The following GPC5 variants were observed in gnomAD, a reference collection of about 807,000 sequenced individuals.
GPC5 encodes the protein glypican-5.
A neutral mutation model predicts 53.9 loss-of-function variants in GPC5; 47 were observed. That is an observed-to-expected ratio of 0.87 (90% CI 0.69 to 1.11). The LOEUF is 1.11. Among genes scored for constraint, GPC5 ranks in the 50% most tolerant of loss-of-function variants. GPC5 has a pLI of 0.00. For missense variants in GPC5, 748 were observed against 713.1 expected, an observed-to-expected ratio of 1.05 and a Z score of -0.56; for synonymous variants, 286 against 263.3, an observed-to-expected ratio of 1.09 and a Z score of -0.84.
chr13:91,638,157 C>T (rs1488018809), intron 2 of GPC5, among the ~76,000 whole-genome samples: 1 of 152,156 alleles, frequency 6.6e-6, no homozygotes, highest in East Asian at 1.9e-4. Flanking sequence ...AAAGGGGCTG[C>T]TCACCTAGAA....
At chr13:91,946,915 T>G (rs2039979966) in intron 6 of GPC5, among the ~76,000 whole-genome samples, 1 of 152,172 alleles carries the variant, frequency 6.6e-6, no homozygotes. Flanking sequence ...CAGAGTGTAT[T>G]CTGCATAGTG....
intron 5 of GPC5, among the ~76,000 whole-genome samples, chr13:91,872,004 C>T (rs766086817): frequency 1.3e-5 from 2 of 151,988 alleles, no homozygotes; most frequent in Non-Finnish European, 2.9e-5. Flanking sequence ...TGATGGTGAA[C>T]CTCTGTCTGT....
At chr13:92,275,752 G>A (rs2042871025) in intron 7 of GPC5, among the ~76,000 whole-genome samples, 1 of 152,102 alleles carries the variant, frequency 6.6e-6, no homozygotes, top group Non-Finnish European at 1.5e-5. Context: ...TCTGGGGCAT[G>A]TATCCATCGT....
chr13:91,959,977 G>C (rs1566364598), intron 6 of GPC5, among the ~76,000 whole-genome samples: 1 of 151,808 alleles, frequency 6.6e-6, no homozygotes. Flanking sequence ...CCCAAAACCA[G>C]CATCATACTG....
chr13:91,866,473 C>T (rs1477415437), intron 5 of GPC5, among the ~76,000 whole-genome samples: 1 of 152,080 alleles, frequency 6.6e-6, no homozygotes, highest in African/African-American at 2.4e-5. Context: ...GGTGAGTTCT[C>T]GCTCTATGAA....
intron 4 of GPC5, among the ~76,000 whole-genome samples, chr13:91,733,374 C>T (rs2036744175): frequency 6.6e-6 from 1 of 152,158 alleles, no homozygotes; most frequent in South Asian, 2.1e-4. Context: ...ACCTTATGAT[C>T]TGCCCACCTC....
chr13:92,236,216 T>G (rs1324285020), intron 7 of GPC5, among the ~76,000 whole-genome samples: 1 of 152,128 alleles, frequency 6.6e-6, no homozygotes, highest in Non-Finnish European at 1.5e-5. Flanking sequence ...ACTATTGTTT[T>G]AAATATAATT....
chr13:91,834,227 T>A (rs931679235), intron 5 of GPC5, among the ~76,000 whole-genome samples: 1 of 152,104 alleles, frequency 6.6e-6, no homozygotes, highest in Non-Finnish European at 1.5e-5. Context: ...TACAAACCAC[T>A]GCTCAAGGCA....
At chr13:91,948,038 C>T (rs2039989760) in intron 6 of GPC5, among the ~76,000 whole-genome samples, 1 of 151,954 alleles carries the variant, frequency 6.6e-6, no homozygotes, top group South Asian at 2.1e-4. Context: ...ACCATCCTGG[C>T]TAACACGGTG....
chr13:91,555,083 T>A (rs898093467), intron 2 of GPC5, among the ~76,000 whole-genome samples: 1 of 152,042 alleles, frequency 6.6e-6, no homozygotes, highest in Admixed American at 6.6e-5. Flanking sequence ...TTGAGATAAT[T>A]ATAGATTCAC....
chr13:92,436,546 T>A (rs906856867), intron 7 of GPC5, among the ~76,000 whole-genome samples: 2 of 152,172 alleles, frequency 1.3e-5, no homozygotes, highest in Non-Finnish European at 2.9e-5. Flanking sequence ...CCAGGCTACA[T>A]GACACATTAC....
At chr13:91,994,384 G>T (rs1489889382) in intron 6 of GPC5, 3 of 152,322 alleles carry the variant, frequency 2.0e-5, no homozygotes, top group South Asian at 2.1e-4. Context: ...AGAAGCCTGT[G>T]TTGGGCCATC....
intron 6 of GPC5, among the ~76,000 whole-genome samples, chr13:92,094,447 G>T (rs1180135889): frequency 6.7e-6 from 1 of 149,540 alleles, no homozygotes; most frequent in Non-Finnish European, 1.5e-5. Flanking sequence ...GTTGAACCTG[G>T]GAGGCGGAGC....
rs998773931 is a variant in GPC5 at position 92,499,642 on chromosome 13, A to G, written c.1561+354653A>G. On this transcript the variant is annotated intron_variant, in intron 7 of 7. Coordinates refer to ENST00000377067, the MANE Select transcript of GPC5 (RefSeq NM_004466.6). ...AGGAGTCAGATCATAACTAGCTACC[A>G]AAGAGCATAAAGTGCCAGAATCAAT... 3.9e-5 allele frequency among the ~76,000 whole-genome samples: 6 copies of G among 152,190 alleles called. No homozygotes were observed. In the South Asian group the frequency reaches 1.2e-3, roughly 31 times the overall value.
chr13:92,216,658 T>C (rs551438688), intron 7 of GPC5, among the ~76,000 whole-genome samples: 2 of 152,200 alleles, frequency 1.3e-5, no homozygotes, highest in East Asian at 3.9e-4. Context: ...ATTTTACCAA[T>C]GAGGGGAATG....
intron 7 of GPC5, among the ~76,000 whole-genome samples, chr13:92,623,282 G>A (rs1401936108): frequency 6.6e-6 from 1 of 152,252 alleles, no homozygotes; most frequent in East Asian, 1.9e-4. Flanking sequence ...GTGGTTGCAC[G>A]GCTCATCTGC....
chr13:91,420,135 T>C (rs1295588704), intron 1 of GPC5, among the ~76,000 whole-genome samples: 3 of 152,204 alleles, frequency 2.0e-5, no homozygotes, highest in Middle Eastern at 3.2e-3. Context: ...ACTCTGATAC[T>C]GGGTAAGATC....
intron 3 of GPC5, among the ~76,000 whole-genome samples, chr13:91,717,466 G>A (rs972401244): frequency 6.6e-6 from 1 of 152,184 alleles, no homozygotes; most frequent in Non-Finnish European, 1.5e-5. Flanking sequence ...AGAAGAGCTA[G>A]GGAAAGCTCA....
intron 6 of GPC5, among the ~76,000 whole-genome samples, chr13:91,985,002 A>G (rs2040393598): frequency 6.6e-6 from 1 of 152,220 alleles, no homozygotes; most frequent in African/African-American, 2.4e-5. Flanking sequence ...CAAATTGTAC[A>G]TTCTGTCATT....
Sources: allele counts gnomAD v4.1 joint callset (sites outside exome capture counted in the v4.1 genomes callset), GRCh38; gene constraint gnomAD v4.1.1; transcripts MANE v1.5; gene names NCBI Gene and HGNC (gene_info 2026-07-23, HGNC 2026-07-21).